Variants in NFIX observed in about 807,000 individuals in gnomAD.
The protein encoded by NFIX is nuclear factor I X, also known as nuclear factor 1 X-type.
Under a neutral mutation model 53.3 loss-of-function variants are expected in NFIX, and 2 were observed. The observed-to-expected ratio is 0.04, with a 90% CI of 0.02 to 0.12. The LOEUF is 0.12. Among genes scored for constraint, NFIX ranks in the 10% least tolerant of loss-of-function variants. The pLI, the probability that NFIX is intolerant of heterozygous loss-of-function variation, is 1.00. For synonymous variants in NFIX, 244 were observed against 289.0 expected (o/e 0.84, Z 1.58); for missense variants, 310 against 674.5 (o/e 0.46, Z 5.99).
intron 2 of NFIX, among the ~76,000 whole-genome samples, chr19:13,039,803 C>T (rs931723322): frequency 6.6e-6 from 1 of 152,130 alleles, no homozygotes; most frequent in Non-Finnish European, 1.5e-5. Flanking sequence ...CTGTCTCTCG[C>T]GCAGCTTATA....
chr19:13,056,458 G>T (rs2015699848), intron 2 of NFIX, among the ~76,000 whole-genome samples: 1 of 152,180 alleles, frequency 6.6e-6, no homozygotes. Flanking sequence ...CCCACATAGG[G>T]TGGGCCCACC....
At chr19:12,999,526 C>A (rs1301846891) in intron 1 of NFIX, among the ~76,000 whole-genome samples, 1 of 151,872 alleles carries the variant, frequency 6.6e-6, no homozygotes, top group East Asian at 1.9e-4. Context: ...AAATATGCAC[C>A]AATGCGTGCT....
chr19:13,046,228 G>A (rs113454979), intron 2 of NFIX, among the ~76,000 whole-genome samples: 2,789 of 152,292 alleles, frequency 0.018, 35 homozygotes, highest in Non-Finnish European at 0.029. Flanking sequence ...AGGCCTGTGG[G>A]TTAGGAGGGC....
At chr19:13,019,710 TG>T (rs1408612669) in intron 1 of NFIX, among the ~76,000 whole-genome samples, 17 of 123,792 alleles carry the variant, frequency 1.4e-4, no homozygotes, top group Admixed American at 3.9e-4. Flanking sequence ...AAACTGTTGC[TG>T]GTTTTTTTTT....
In NFIX at chr19:13,009,924, G is replaced by A. The variant is rs1441845735; in HGVS notation, c.27+14060G>A. Among the ~76,000 whole-genome samples, 1 of 152,136 alleles carries A rather than the reference G, an allele frequency of 6.6e-6. No individual in the cohort carries two copies. Among genetic ancestry groups the A allele is most frequent in the African/African-American group, 2.4e-5 (1 of 41,432 alleles). On this transcript the variant is annotated intron_variant, in intron 1 of 10. Coordinates refer to ENST00000592199, the MANE Select transcript of NFIX (RefSeq NM_001365902.3). The surrounding 1 kb of genome is among the most constrained non-coding windows in gnomAD (Gnocchi z 4.7). The stretch of plus-strand genomic sequence containing the variant: ...GTCTTCAAAGGCAGAGAAGTCTCAG[G>A]ACTTCAAACCAACAGCCTAACCCTG...
At position 12,996,575 on chromosome 19, in the gene NFIX, C is replaced by CG. The variant is rs1434840156; in HGVS notation, c.27+713dup. On this transcript the variant is annotated intron_variant, in intron 1 of 10. Coordinates refer to ENST00000592199, the MANE Select transcript of NFIX (RefSeq NM_001365902.3). This position sits in a 1 kb window ranked among gnomAD's most constrained non-coding sequence, Gnocchi z 5.2. ...AGCGGTGGCCGCGCCTCTCCGACCC[C>CG]GGACGTCGCAGCCTCTGCCCCCCCA... Among the ~76,000 whole-genome samples, 6 of 152,200 alleles carry CG rather than the reference C, an allele frequency of 3.9e-5. No homozygotes were observed. The highest frequency in any genetic ancestry group is 1.4e-4 in the African/African-American group (6 of 41,450).
chr19:13,035,843 C>A (rs1229859868), intron 2 of NFIX, among the ~76,000 whole-genome samples: 1 of 152,156 alleles, frequency 6.6e-6, no homozygotes, highest in Non-Finnish European at 1.5e-5. Flanking sequence ...CCGTCAAGTG[C>A]CATTGTGGTC....
Position 13,052,677 on chromosome 19 carries a change from C to A in NFIX, c.560-20370C>A, listed in dbSNP as rs1381604750. Among the ~76,000 whole-genome samples the A allele has an allele frequency of 6.6e-6, 1 of 152,188 alleles. No homozygotes were observed. The highest frequency in any genetic ancestry group is 1.5e-5 in the Non-Finnish European group (1 of 68,036). ...AGAGTTGTTCATAGCCTGGCCTTAACCCTGCCGATTCCATATACTGTGCTC... is the reference window on the plus strand; with the variant it reads ...AGAGTTGTTCATAGCCTGGCCTTAAACCTGCCGATTCCATATACTGTGCTC... On this transcript the variant is annotated intron_variant, in intron 2 of 10. Coordinates refer to ENST00000592199, the MANE Select transcript of NFIX (RefSeq NM_001365902.3). The surrounding 1 kb of genome is among the most constrained non-coding windows in gnomAD (Gnocchi z 5.2).
Position 13,090,285 on chromosome 19 carries a change from C to T in NFIX, c.1403-14C>T, listed in dbSNP as rs1568333741. 2 of 1,613,662 alleles carry T rather than the reference C, an allele frequency of 1.2e-6. No homozygotes were observed. Among genetic ancestry groups the T allele is most frequent in the Non-Finnish European group, 1.7e-6 (2 of 1,179,636 alleles). On this transcript the variant is annotated splice_polypyrimidine_tract_variant and intron_variant, in intron 9 of 10. Coordinates refer to ENST00000592199, the MANE Select transcript of NFIX (RefSeq NM_001365902.3). This position sits in a 1 kb window ranked among gnomAD's most constrained non-coding sequence, Gnocchi z 6.6. ...CCTGACAGGGTCTCTCCCTCTCTCC[C>T]CTGCTCCCCACAGCATTCGCAACGA...
At chr19:13,085,540 T>G (rs981084554) in intron 8 of NFIX, among the ~76,000 whole-genome samples, 1 of 152,226 alleles carries the variant, frequency 6.6e-6, no homozygotes, top group African/African-American at 2.4e-5. Flanking sequence ...TCTGCAGCGC[T>G]GCAAACCCCC....
intron 1 of NFIX, among the ~76,000 whole-genome samples, chr19:13,003,826 G>C (rs1418813154): frequency 1.3e-5 from 2 of 152,068 alleles, no homozygotes; most frequent in African/African-American, 4.8e-5. Context: ...TTTTTGTAGA[G>C]ACAGAGTCTG....
At chr19:13,046,716 G>A (rs1250221149) in intron 2 of NFIX, among the ~76,000 whole-genome samples, 1 of 152,118 alleles carries the variant, frequency 6.6e-6, no homozygotes, top group African/African-American at 2.4e-5. Context: ...GGATCCCTGT[G>A]TATGCCAGCG....
intron 1 of NFIX, among the ~76,000 whole-genome samples, chr19:12,997,382 T>C (rs2011507911): frequency 6.6e-6 from 1 of 152,216 alleles, no homozygotes; most frequent in African/African-American, 2.4e-5. Flanking sequence ...CGGGTTTTCC[T>C]GTAGAAAGCA....
At chr19:13,057,800 G>A (rs2015804973) in intron 2 of NFIX, among the ~76,000 whole-genome samples, 5 of 110,054 alleles carry the variant, frequency 4.5e-5, no homozygotes, top group Admixed American at 4.5e-4. Context: ...GACTACCTGG[G>A]GAAGGCAGCC....
intron 2 of NFIX, among the ~76,000 whole-genome samples, chr19:13,047,244 T>G (rs1233117904): frequency 6.6e-6 from 1 of 152,158 alleles, no homozygotes. Flanking sequence ...CTTTCTTTTT[T>G]TTTTTAAAGT....
chr19:13,072,928 T>A lies in NFIX; in HGVS notation c.560-119T>A. 1 of 973,298 alleles carries A rather than the reference T, an allele frequency of 1.0e-6. No individual in the cohort carries two copies. 60.3% of individuals were successfully genotyped at this position (973,298 alleles called of 1,614,324 possible). A position where few individuals can be genotyped will look rare whatever the true frequency, so the allele number is the denominator to read the frequency against. ...GTTTGGGGAGAGGGTGGGGTGAAGG[T>A]TTCTGTAGCCAGGGTGGGCCGTCCC... On this transcript the variant is annotated intron_variant, in intron 2 of 10. Transcript: ENST00000592199. The surrounding 1 kb of genome is among the most constrained non-coding windows in gnomAD (Gnocchi z 4.0).
chr19:13,092,479 T>C (rs932596703), intron 10 of NFIX, among the ~76,000 whole-genome samples: 2 of 152,272 alleles, frequency 1.3e-5, no homozygotes, highest in East Asian at 1.9e-4. Context: ...TTGGCAGTTG[T>C]CCCCAACTGT....
In NFIX at chr19:13,036,783, G is replaced by A. The variant is rs2014229509; in HGVS notation, c.559+11231G>A. On this transcript the variant is annotated intron_variant, in intron 2 of 10. Transcript: ENST00000592199. The surrounding 1 kb of genome is among the most constrained non-coding windows in gnomAD (Gnocchi z 4.7). ...CCACCAGCCCCACACCAAATATGTG[G>A]TCACACCAGAGCCACCTTATAAATA... Among the ~76,000 whole-genome samples, 1 of 152,132 alleles carries A rather than the reference G, an allele frequency of 6.6e-6. No homozygotes were observed. Among genetic ancestry groups the A allele is most frequent in the South Asian group, 2.1e-4 (1 of 4,824 alleles).
chr19:13,024,875 T>TGGGGGGA, intron 1 of NFIX, 146 bp from the exon 2 acceptor site: 1 of 1,323,618 alleles, frequency 7.6e-7, no homozygotes, highest in East Asian at 2.5e-5. Flanking sequence ...AGAAAATTGT[T>TGGGGGGA]GGGGGGAGGG....
Sources: allele counts gnomAD v4.1 joint callset (sites outside exome capture counted in the v4.1 genomes callset), GRCh38; gene constraint gnomAD v4.1.1; non-coding constraint Gnocchi (gnomAD v3.1); transcripts MANE v1.5; gene names NCBI Gene and HGNC (gene_info 2026-07-23, HGNC 2026-07-21).